Variants in POLA1 observed in about 807,000 individuals in gnomAD.
POLA1 encodes DNA polymerase alpha catalytic subunit.
Under a neutral mutation model 124.0 loss-of-function variants are expected in POLA1, and 15 were observed. That is an observed-to-expected ratio of 0.12 (90% CI 0.08 to 0.19). POLA1 has a LOEUF of 0.19. Among genes scored for constraint, POLA1 ranks in the 10% least tolerant of loss-of-function variants. The pLI, the probability that POLA1 is intolerant of heterozygous loss-of-function variation, is 1.00. For synonymous variants in POLA1, 408 were observed against 389.4 expected, an observed-to-expected ratio of 1.05 and a Z score of -0.56; for missense variants, 886 against 1,103.4, an observed-to-expected ratio of 0.80 and a Z score of 2.79.
At chrX:24,775,070 A>G (rs1343876414) in intron 26 of POLA1, 1 of 111,599 alleles carries the variant, frequency 9.0e-6, no homozygotes, top group African/African-American at 3.3e-5. Context: ...ATTTTAAATT[A>G]TGTGTTTTTT....
At chrX:24,723,426 T>C (rs1465544152) in intron 11 of POLA1, among the ~76,000 whole-genome samples, 159 bp downstream of exon 11, 3 of 112,195 alleles carry the variant, frequency 2.7e-5, no homozygotes, top group Non-Finnish European at 5.6e-5. Context: ...TTGTCAGCAA[T>C]TCTATTAGAG....
intron 26 of POLA1, among the ~76,000 whole-genome samples, chrX:24,778,483 G>C (rs1415582956): frequency 8.9e-6 from 1 of 111,795 alleles, no homozygotes; most frequent in East Asian, 2.8e-4. Context: ...TGCCCGCCTT[G>C]GTCTCCCAAA....
chrX:24,817,806 A>G (rs2148505758), intron 30 of POLA1, among the ~76,000 whole-genome samples: 1 of 110,610 alleles, frequency 9.0e-6, no homozygotes, highest in Non-Finnish European at 1.9e-5. Context: ...AACATCTTTA[A>G]CATTTGTCTA....
chrX:24,705,352 A>G (rs1033502019), intron 4 of POLA1, among the ~76,000 whole-genome samples: 3 of 111,912 alleles, frequency 2.7e-5, no homozygotes, highest in African/African-American at 9.7e-5. Context: ...TAACAAAAGA[A>G]TATGTGACCA....
At position 24,743,268 on chromosome X, in the gene POLA1, A is replaced by T. The variant is rs761127311; in HGVS notation, c.2505A>T (p.Lys835Asn). The T allele has an allele frequency of 2.2e-5, 26 of 1,167,953 alleles. 1 individual carries two copies. In the South Asian group the frequency reaches 4.8e-4, roughly 22 times the overall value. Residue 835 changes from lysine (K) to asparagine (N), a missense_variant, in exon 23 of 37, where the codon AAA becomes AAT. Lys to Asn is a moderately conservative substitution (Grantham distance 94). Around this residue, in one of 7 missense-constraint regions of POLA1, gnomAD observed 182 missense variants for 252.8 expected, o/e 0.72. Transcript: ENST00000379068. ...EDEEIDGDTN[K>N]YKKGRKKAAY... The stretch of plus-strand genomic sequence containing the variant: ...AAGAAATTGATGGAGATACCAATAA[A>T]TACAAGAAAGGACGTAAGAAAGCAG...
intron 26 of POLA1, among the ~76,000 whole-genome samples, chrX:24,770,569 C>T (rs781574034): frequency 2.5e-4 from 28 of 111,264 alleles, no homozygotes; most frequent in Non-Finnish European, 4.9e-4. Context: ...AGGAGGGTAA[C>T]CAAGTTTTTT....
At chrX:24,893,395 CT>C (rs1044728335) in intron 35 of POLA1, among the ~76,000 whole-genome samples, 3 of 111,604 alleles carry the variant, frequency 2.7e-5, no homozygotes, top group Non-Finnish European at 5.7e-5. Flanking sequence ...TTTCAATTTA[CT>C]TTTTTTTAAT....
intron 31 of POLA1, among the ~76,000 whole-genome samples, chrX:24,823,480 C>T (rs1184272083): frequency 2.7e-5 from 3 of 109,760 alleles, no homozygotes; most frequent in Non-Finnish European, 5.7e-5. Context: ...CAGCTCACTG[C>T]AACCTCCACC....
chrX:24,959,909 T>A (rs940295805), intron 36 of POLA1, among the ~76,000 whole-genome samples: 7 of 111,778 alleles, frequency 6.3e-5, no homozygotes, highest in African/African-American at 2.3e-4. Flanking sequence ...CCGCACTGTG[T>A]CTAAGCAGTC....
intron 19 of POLA1, among the ~76,000 whole-genome samples, chrX:24,738,982 G>A (rs1931470296): frequency 1.8e-5 from 2 of 110,600 alleles, no homozygotes; most frequent in South Asian, 7.9e-4. Context: ...CCCCCTTCAA[G>A]ATTTTCTTTA....
intron 33 of POLA1, 40 bp downstream of exon 33, chrX:24,841,870 A>T (rs1257966518): frequency 9.8e-7 from 1 of 1,021,632 alleles, no homozygotes; most frequent in Non-Finnish European, 1.4e-6. Flanking sequence ...GTGAACTTGT[A>T]TAAAGGCCTT....
chrX:24,891,094 C>T (rs887906741), intron 35 of POLA1, among the ~76,000 whole-genome samples: 2 of 112,036 alleles, frequency 1.8e-5, no homozygotes, highest in African/African-American at 3.2e-5. Flanking sequence ...GCTATTAGAC[C>T]GATACATTTC....
At chrX:24,764,038 T>C (rs925258694) in intron 26 of POLA1, among the ~76,000 whole-genome samples, 2 of 111,621 alleles carry the variant, frequency 1.8e-5, no homozygotes, top group African/African-American at 6.5e-5. Context: ...GCTGTGTCCC[T>C]GTTTTGCTTC....
chrX:24,918,148 A>G (rs768326161), intron 35 of POLA1, among the ~76,000 whole-genome samples: 2 of 108,848 alleles, frequency 1.8e-5, no homozygotes, highest in South Asian at 8.3e-4. Flanking sequence ...GACCTCTCCA[A>G]AATCTACCTC....
intron 34 of POLA1, among the ~76,000 whole-genome samples, chrX:24,884,241 T>A (rs765791776): frequency 1.8e-5 from 2 of 111,483 alleles, no homozygotes; most frequent in Non-Finnish European, 3.8e-5. Flanking sequence ...CTTGACTTCC[T>A]GGGCTCCAGC....
At chrX:24,723,396 G>A in intron 11 of POLA1, 129 bp downstream of exon 11, 1 of 467,830 alleles carries the variant, frequency 2.1e-6, no homozygotes. Flanking sequence ...CTTTCTTGCT[G>A]CTTGCCTGGT....
At chrX:24,841,357 C>T (rs903799894) in intron 32 of POLA1, among the ~76,000 whole-genome samples, 11 of 112,034 alleles carry the variant, frequency 9.8e-5, no homozygotes, top group African/African-American at 3.6e-4. Context: ...TCTTAGTACA[C>T]ATTTATTTGA....
chrX:24,711,424 G>A (rs1398472863), intron 4 of POLA1, among the ~76,000 whole-genome samples: 1 of 112,455 alleles, frequency 8.9e-6, no homozygotes, highest in African/African-American at 3.2e-5. Context: ...TAGCTGCATA[G>A]TATTCCATGA....
chrX:24,821,415 AT>A, intron 30 of POLA1, 36 bp from the exon 31 acceptor site: 1 of 1,154,819 alleles, frequency 8.7e-7, no homozygotes, highest in Non-Finnish European at 1.2e-6. Context: ...GAAGGGTTTT[AT>A]TTTAAGGCTT....
Sources: gnomAD v4.1 joint callset for allele counts (sites outside exome capture counted in the v4.1 genomes callset) on GRCh38, gnomAD v4.1.1 for gene constraint, gnomAD v4.1.1 regional missense constraint, MANE v1.5 for transcripts, NCBI Gene and HGNC (gene_info 2026-07-23, HGNC 2026-07-21) for gene names.